PSG11: variants seen among roughly 807,000 people sequenced by gnomAD.
PSG11 encodes pregnancy specific beta-1-glycoprotein 11.
A neutral mutation model predicts 36.0 loss-of-function variants in PSG11; 42 were observed. The observed-to-expected ratio is 1.17, with a 90% CI of 0.91 to 1.51. The LOEUF (loss-of-function observed/expected upper bound fraction) is 1.51, where lower values mean the gene tolerates loss of function less well. Among genes scored for constraint, PSG11 ranks in the 40% most tolerant of loss-of-function variants. The pLI is 0.00. For synonymous variants in PSG11, 206 were observed against 153.5 expected (o/e 1.34, Z -2.53); for missense variants, 558 against 403.5 (o/e 1.38, Z -3.28).
chr19:43,025,777 C>T (rs1967232949), intron 1 of PSG11, among the ~76,000 whole-genome samples: 1 of 150,078 alleles, frequency 6.7e-6, no homozygotes, highest in Non-Finnish European at 1.5e-5. Context: ...AATGTGGTGG[C>T]CCCTGATGAT....
rs1464942933 is a variant in PSG11 at position 43,014,880 on chromosome 19, A to T, written c.964+236T>A. 28 of 1,390,796 alleles carry T rather than the reference A, an allele frequency of 2.0e-5. 1 individual carries two copies. In the Admixed American group the frequency reaches 2.3e-4, roughly 11 times the overall value. 86.2% of individuals were successfully genotyped at this position (1,390,796 alleles called of 1,614,324 possible). On this transcript the variant is annotated intron_variant, in intron 4 of 5. Coordinates refer to ENST00000320078, the MANE Select transcript of PSG11 (RefSeq NM_002785.3). ...TTCTACCACATAGGGCTCAGGGCTG[A>T]TAAAGCCCCCTCCCTACCTTTCTCA...
chr19:43,013,869 A>G (rs1342241215), intron 4 of PSG11, among the ~76,000 whole-genome samples: 2 of 151,550 alleles, frequency 1.3e-5, no homozygotes, highest in Non-Finnish European at 2.9e-5. Context: ...GAAACAACTG[A>G]AAAGTCCATT....
At position 43,015,237 on chromosome 19, in the gene PSG11, T is replaced by C. The variant is rs1424871040; in HGVS notation, c.843A>G (p.Leu281=). The C allele has an allele frequency of 6.2e-7, 1 of 1,611,618 alleles. No homozygotes were observed. The highest frequency in any genetic ancestry group is 8.5e-7 in the Non-Finnish European group (1 of 1,178,608). ...GAGGGATAAAGAGCTTTTGTCCTGA[T>C]AGCTGAAACTTCCCATTAATTGTCC... The part of the protein sequence containing the change: ...YSWTINGKFQ[L]SGQKLFIPQI... Residue 281 remains leucine, a synonymous_variant, in exon 4 of 6, where the codon CTA becomes CTG. Transcript: ENST00000320078.
chr19:43,011,034 T>G (rs1018603740), intron 4 of PSG11, among the ~76,000 whole-genome samples: 5 of 150,978 alleles, frequency 3.3e-5, no homozygotes, highest in Admixed American at 6.6e-5. Flanking sequence ...ATTTCCATTT[T>G]GCCAATGAAA....
At chr19:43,008,314 C>T (rs141158150) in intron 5 of PSG11, among the ~76,000 whole-genome samples, 4,047 of 151,240 alleles carry the variant, frequency 0.027, 293 homozygotes, top group African/African-American at 0.094. Context: ...ACTCTGTCAT[C>T]CAGACTGGAG....
chr19:43,014,791 G>A (rs1246465882), intron 4 of PSG11: 2 of 1,229,294 alleles, frequency 1.6e-6, no homozygotes, highest in South Asian at 2.3e-5. Flanking sequence ...AAGGGGATGA[G>A]TTGGTGACAG....
rs187225943 is a variant in PSG11 at position 43,018,997 on chromosome 19, G to A, written c.482C>T (p.Ala161Val). 1.3e-4 allele frequency: 203 copies of A among 1,612,068 alleles called. 12 individuals carry two copies. In the East Asian group the frequency reaches 1.8e-3, roughly 14 times the overall value. ...ISSSNLNPRE[A>V]METVILTCNP... ...ACAGGTTAAGATCACAGTCTCCATG[G>A]CCTCCCTGGGGTTTAAGTTGCTGCT... The change falls in exon 3 of 6, where the codon GCC (alanine) becomes GTC (valine). Residue 161 changes from alanine (A) to valine (V), a missense_variant. Physicochemically the swap from Ala to Val is moderately conservative, Grantham distance 64. Coordinates refer to ENST00000320078, the MANE Select transcript of PSG11 (RefSeq NM_002785.3).
At chr19:43,021,730 G>C (rs543678913) in intron 2 of PSG11, among the ~76,000 whole-genome samples, 4 of 151,592 alleles carry the variant, frequency 2.6e-5, no homozygotes, top group East Asian at 3.9e-4. Context: ...CAAATTTCAA[G>C]CTTGTCATAT....
chr19:43,024,988 C>T lies in PSG11; in HGVS notation c.133G>A (p.Val45Met). The T allele has an allele frequency of 6.2e-7, 1 of 1,611,252 alleles. No homozygotes were observed. Among genetic ancestry groups the T allele is most frequent in the Non-Finnish European group, 8.5e-7 (1 of 1,178,582 alleles). ...QVMIEAQPPK[V>M]SEGKDVLLLV... ...AGAAGAACATCCTTCCCCTCGGACA[C>T]TTTGGGTGGCTGGGCTTCAATCATG... Residue 45 changes from valine to methionine, a missense_variant, in exon 2 of 6, where the codon GTG (valine) becomes ATG (methionine). Val to Met is a conservative substitution (Grantham distance 21). Transcript: ENST00000320078.
chr19:43,026,132 A>G (rs1234180811), intron 1 of PSG11, among the ~76,000 whole-genome samples, 177 bp downstream of exon 1: 5 of 149,826 alleles, frequency 3.3e-5, no homozygotes, highest in East Asian at 2.0e-4. Flanking sequence ...TAGAAGAGAC[A>G]GGGCTTCACT....
chr19:43,022,104 A>G (rs971324636), intron 2 of PSG11, among the ~76,000 whole-genome samples: 1 of 151,556 alleles, frequency 6.6e-6, no homozygotes, highest in African/African-American at 2.4e-5. Context: ...TTGTCAAACT[A>G]GTGAAAGACC....
intron 5 of PSG11, among the ~76,000 whole-genome samples, chr19:43,008,489 G>T (rs1371900998): frequency 1.3e-5 from 2 of 151,054 alleles, no homozygotes; most frequent in Admixed American, 6.6e-5. Context: ...TGTTAGCCAG[G>T]AAGGTCTGGA....
intron 4 of PSG11, chr19:43,014,685 C>T: frequency 8.4e-7 from 1 of 1,185,036 alleles, no homozygotes. Flanking sequence ...AAGGGGCTTC[C>T]TCCTCTCATT....
At chr19:43,008,772 T>C (rs937606890) in intron 5 of PSG11, among the ~76,000 whole-genome samples, 1 of 151,280 alleles carries the variant, frequency 6.6e-6, no homozygotes, top group African/African-American at 2.4e-5. Context: ...AAAGGTATAG[T>C]CTTATGTATG....
chr19:43,015,604 A>G (rs1198038682), intron 3 of PSG11, among the ~76,000 whole-genome samples: 2 of 151,190 alleles, frequency 1.3e-5, no homozygotes, highest in African/African-American at 4.9e-5. Flanking sequence ...ATTCTTGGTT[A>G]AGGCTGTGTC....
At chr19:43,021,334 A>G (rs1189617660) in intron 2 of PSG11, among the ~76,000 whole-genome samples, 1 of 151,248 alleles carries the variant, frequency 6.6e-6, no homozygotes. Context: ...TAAGCATCAA[A>G]AGAATTCTTC....
At chr19:43,021,633 A>C (rs1967104369) in intron 2 of PSG11, among the ~76,000 whole-genome samples, 1 of 151,506 alleles carries the variant, frequency 6.6e-6, no homozygotes, top group Admixed American at 6.6e-5. Context: ...GGCATCAGCC[A>C]CTGTGCCCAG....
chr19:43,009,988 A>T lies in PSG11; in HGVS notation c.*10T>A, dbSNP rs1244066541. 2.5e-6 allele frequency: 4 copies of T among 1,605,510 alleles called. No homozygotes were observed. Among genetic ancestry groups the T allele is most frequent in the Non-Finnish European group, 3.4e-6 (4 of 1,173,342 alleles). On this transcript the variant is annotated 3_prime_UTR_variant, in exon 5 of 6. Transcript: ENST00000320078. ...AGTCTTCCTGAAATACAAAAATGACATCACGGCTGCTACGTTGGATTATTG... is the reference window on the plus strand; with the variant it reads ...AGTCTTCCTGAAATACAAAAATGACTTCACGGCTGCTACGTTGGATTATTG...
intron 4 of PSG11, 131 bp from the exon 5 acceptor site, chr19:43,010,172 A>T: frequency 2.0e-6 from 3 of 1,463,774 alleles, no homozygotes; most frequent in Non-Finnish European, 2.7e-6. Flanking sequence ...TCTGTTGGAA[A>T]ATTGATGGGA....
Sources: gnomAD v4.1 joint callset for allele counts (sites outside exome capture counted in the v4.1 genomes callset) on GRCh38, gnomAD v4.1.1 for gene constraint, MANE v1.5 for transcripts, NCBI Gene and HGNC (gene_info 2026-07-23, HGNC 2026-07-21) for gene names.